ANKS1B: variants seen among roughly 807,000 people sequenced by gnomAD.
The protein encoded by ANKS1B is ankyrin repeat and sterile alpha motif domain-containing protein 1B.
In ANKS1B, 36 loss-of-function variants were observed where a neutral mutation model predicts 148.3. That is an observed-to-expected ratio of 0.24 (90% confidence interval 0.19 to 0.32). The LOEUF is 0.32. Ranked by LOEUF, ANKS1B falls within the 10% of genes least tolerant of loss-of-function variation. The probability of loss-of-function intolerance (pLI) is 1.00; values close to 1 mark genes in which losing one functional copy is unlikely to be tolerated. For synonymous variants in ANKS1B, 542 were observed against 560.8 expected (o/e 0.97, Z 0.47); for missense variants, 1,157 against 1,542.6 (o/e 0.75, Z 4.19).
intron 9 of ANKS1B, among the ~76,000 whole-genome samples, chr12:99,603,769 T>C (rs892378547): frequency 1.1e-4 from 17 of 152,108 alleles, no homozygotes; most frequent in African/African-American, 4.1e-4. Context: ...TCTTTAAATA[T>C]AGAAAATAAA....
chr12:99,047,604 A>G (rs2099963363), intron 17 of ANKS1B, among the ~76,000 whole-genome samples: 3 of 152,212 alleles, frequency 2.0e-5, no homozygotes, highest in Non-Finnish European at 4.4e-5. Flanking sequence ...AAACTGACCC[A>G]TTATGTATAG....
chr12:99,414,195 C>T (rs564241981), intron 11 of ANKS1B, among the ~76,000 whole-genome samples: 13 of 151,980 alleles, frequency 8.6e-5, no homozygotes, highest in African/African-American at 1.2e-4. Context: ...ACCGTATTAC[C>T]TGCAAAAATA....
chr12:98,907,165 T>C (rs2099780428), intron 17 of ANKS1B, among the ~76,000 whole-genome samples: 1 of 152,198 alleles, frequency 6.6e-6, no homozygotes, highest in Admixed American at 6.5e-5. Flanking sequence ...TATTCATAAC[T>C]GCAAGTTTGT....
At chr12:99,942,176 A>G (rs1020027379) in intron 1 of ANKS1B, among the ~76,000 whole-genome samples, 3 of 152,126 alleles carry the variant, frequency 2.0e-5, no homozygotes, top group Non-Finnish European at 4.4e-5. Flanking sequence ...ATTATCAGAA[A>G]ATCAAACCAA....
intron 10 of ANKS1B, among the ~76,000 whole-genome samples, chr12:99,499,303 T>A (rs2096633607): frequency 1.3e-5 from 2 of 152,198 alleles, no homozygotes; most frequent in African/African-American, 4.8e-5. Flanking sequence ...GAATTAAGCC[T>A]GGGTCAACTG....
chr12:98,814,766 C>G (rs1330090883), intron 19 of ANKS1B, among the ~76,000 whole-genome samples: 1 of 152,114 alleles, frequency 6.6e-6, no homozygotes, highest in Admixed American at 6.6e-5. Flanking sequence ...TACTATGAAA[C>G]CCAAACAAAT....
chr12:98,877,028 C>T (rs1596044778), intron 17 of ANKS1B, among the ~76,000 whole-genome samples: 1 of 152,150 alleles, frequency 6.6e-6, no homozygotes, highest in East Asian at 1.9e-4. Flanking sequence ...CTAAATTATG[C>T]AATTAGATGA....
intron 9 of ANKS1B, among the ~76,000 whole-genome samples, chr12:99,545,714 A>G (rs2097166561): frequency 6.6e-6 from 1 of 150,890 alleles, no homozygotes; most frequent in Non-Finnish European, 1.5e-5. Context: ...ACAAAGCACC[A>G]TTTCCATGTA....
chr12:98,871,373 C>A (rs78110477), intron 17 of ANKS1B, among the ~76,000 whole-genome samples: 1 of 151,952 alleles, frequency 6.6e-6, no homozygotes, highest in Non-Finnish European at 1.5e-5. Context: ...ATAATTTCTA[C>A]GATAGAAAAG....
chr12:99,067,878 A>ATG (rs10632657), intron 16 of ANKS1B, among the ~76,000 whole-genome samples: 83,929 of 149,268 alleles, frequency 0.56, 24,092 homozygotes, highest in East Asian at 0.8. Flanking sequence ...GTGTGTGTGC[A>ATG]TGTGTGTGTG....
At chr12:99,622,215 C>T (rs1014813389) in intron 9 of ANKS1B, among the ~76,000 whole-genome samples, 9 of 151,694 alleles carry the variant, frequency 5.9e-5, no homozygotes, top group African/African-American at 2.2e-4. Context: ...ACACAACATA[C>T]CAAAATCTCT....
At chr12:99,123,263 A>G (rs2063422482) in intron 15 of ANKS1B, among the ~76,000 whole-genome samples, 1 of 152,020 alleles carries the variant, frequency 6.6e-6, no homozygotes. Flanking sequence ...GTGCCTCTTG[A>G]TATGGTGACA....
intron 14 of ANKS1B, among the ~76,000 whole-genome samples, chr12:99,224,236 A>C (rs1236519635): frequency 1.3e-5 from 2 of 152,246 alleles, no homozygotes; most frequent in Admixed American, 1.3e-4. Flanking sequence ...TTTAAAAGTA[A>C]AGAGCTTTCT....
intron 8 of ANKS1B, among the ~76,000 whole-genome samples, chr12:99,726,773 T>C (rs748224663): frequency 1.7e-4 from 26 of 152,234 alleles, no homozygotes; most frequent in Non-Finnish European, 3.4e-4. Flanking sequence ...CAGCAGCACA[T>C]TGGAAAACTT....
intron 8 of ANKS1B, among the ~76,000 whole-genome samples, chr12:99,703,882 G>T (rs539874754): frequency 3.3e-5 from 5 of 152,004 alleles, no homozygotes; most frequent in African/African-American, 9.7e-5. Flanking sequence ...TTTTAAATTT[G>T]GTTTGGGGCA....
intron 8 of ANKS1B, among the ~76,000 whole-genome samples, chr12:99,716,775 T>G (rs2057389597): frequency 1.3e-5 from 2 of 152,040 alleles, no homozygotes. Flanking sequence ...GTCCCCTCAG[T>G]CCCAACCCCA....
intron 19 of ANKS1B, among the ~76,000 whole-genome samples, chr12:98,813,540 TTTTC>T (rs2099115217): frequency 6.6e-6 from 1 of 151,546 alleles, no homozygotes; most frequent in African/African-American, 2.4e-5. Flanking sequence ...TTGTTTTTTT[TTTTC>T]TTTTTTGGTG....
chr12:98,769,661 C>T (rs932187552), intron 25 of ANKS1B, among the ~76,000 whole-genome samples: 1 of 152,110 alleles, frequency 6.6e-6, no homozygotes. Flanking sequence ...ATCACACACA[C>T]GTATAGCTAA....
At chr12:99,365,964 T>C (rs2092742958) in intron 12 of ANKS1B, among the ~76,000 whole-genome samples, 3 of 152,180 alleles carry the variant, frequency 2.0e-5, no homozygotes, top group Non-Finnish European at 4.4e-5. Flanking sequence ...ATTTTTTACA[T>C]CCTTTACATG....
Sources: allele counts gnomAD v4.1 joint callset (sites outside exome capture counted in the v4.1 genomes callset), GRCh38; gene constraint gnomAD v4.1.1; transcripts MANE v1.5; gene names NCBI Gene and HGNC (gene_info 2026-07-23, HGNC 2026-07-21).